FRMD5: variants seen among roughly 807,000 people sequenced by gnomAD.
FRMD5 encodes FERM domain containing 5.
FRMD5 carries 20 observed loss-of-function variants against 69.0 expected under a neutral mutation model. The observed-to-expected ratio is 0.29, with a 90% CI of 0.20 to 0.42. The LOEUF (loss-of-function observed/expected upper bound fraction) is 0.42, where lower values mean the gene tolerates loss of function less well. Ranked by LOEUF, FRMD5 falls within the 10% of genes least tolerant of loss-of-function variation. The pLI is 1.00. For synonymous variants in FRMD5, 271 were observed against 260.1 expected, an observed-to-expected ratio of 1.04 and a Z score of -0.40; for missense variants, 595 against 708.6, an observed-to-expected ratio of 0.84 and a Z score of 1.82.
intron 1 of FRMD5, among the ~76,000 whole-genome samples, chr15:43,977,429 G>A (rs2090481159): frequency 6.6e-6 from 1 of 152,114 alleles, no homozygotes; most frequent in Admixed American, 6.5e-5. Flanking sequence ...ACTACTTCCT[G>A]CTCACTGGGG....
chr15:44,147,656 G>A (rs2077377585), intron 1 of FRMD5, among the ~76,000 whole-genome samples: 1 of 152,102 alleles, frequency 6.6e-6, no homozygotes, highest in South Asian at 2.1e-4. Context: ...TGGTAAGATG[G>A]CAGAGTAAGA....
rs1483080377 is a variant in FRMD5 at position 44,125,581 on chromosome 15, A to G, written c.102+69372T>C. On this transcript the variant is annotated intron_variant, in intron 1 of 13. Transcript: ENST00000417257. ...GCTAAAGCCTCAGCTACAATTTCTG[A>G]GATCATGAAATTCTTAGACATGAGA... 1.3e-5 allele frequency among the ~76,000 whole-genome samples: 2 copies of G among 152,212 alleles called. 1 individual carries two copies. Among genetic ancestry groups the G allele is most frequent in the South Asian group, 4.1e-4 (2 of 4,832 alleles).
At chr15:43,959,529 T>C (rs1185782810) in intron 1 of FRMD5, among the ~76,000 whole-genome samples, 1 of 152,182 alleles carries the variant, frequency 6.6e-6, no homozygotes, top group East Asian at 1.9e-4. Flanking sequence ...ACTATAGAAG[T>C]CAGGTGAGCA....
chr15:43,906,718 C>A (rs1186517784), intron 5 of FRMD5, among the ~76,000 whole-genome samples: 2 of 149,170 alleles, frequency 1.3e-5, no homozygotes, highest in East Asian at 3.9e-4. Flanking sequence ...TCTCCTGCCT[C>A]AGCCTCCCGC....
rs114422765 is a variant in FRMD5 at position 43,997,529 on chromosome 15, T to C, written c.103-73220A>G. The stretch of plus-strand genomic sequence containing the variant: ...TGACACAGGATACCAGAATTGCTGA[T>C]AGAACCTAGTCTGTCTCCATAGGAG... On this transcript the variant is annotated intron_variant, in intron 1 of 13. Transcript: ENST00000417257. Among the ~76,000 whole-genome samples the C allele has an allele frequency of 2.4e-3, 371 of 152,340 alleles. 1 individual carries two copies. The highest frequency in any genetic ancestry group is 8.4e-3 in the African/African-American group (350 of 41,580).
At chr15:44,050,908 T>C (rs2140346113) in intron 1 of FRMD5, among the ~76,000 whole-genome samples, 1 of 152,100 alleles carries the variant, frequency 6.6e-6, no homozygotes, top group East Asian at 1.9e-4. Context: ...TCTGCCTGCC[T>C]CAGCCTCCCA....
At chr15:44,010,506 T>C (rs184053297) in intron 1 of FRMD5, among the ~76,000 whole-genome samples, 2 of 152,238 alleles carry the variant, frequency 1.3e-5, no homozygotes, top group African/African-American at 4.8e-5. Context: ...CAAGCCATTT[T>C]CCTGCTTCGG....
intron 1 of FRMD5, among the ~76,000 whole-genome samples, chr15:44,143,274 T>C (rs781381703): frequency 2.8e-4 from 43 of 152,196 alleles, no homozygotes; most frequent in South Asian, 6.2e-4. Flanking sequence ...GCTACCTTCA[T>C]GTAGCCTGCT....
intron 1 of FRMD5, among the ~76,000 whole-genome samples, chr15:44,069,323 A>G (rs1416808599): frequency 6.6e-6 from 1 of 152,212 alleles, no homozygotes; most frequent in Non-Finnish European, 1.5e-5. Context: ...TTACATTCCT[A>G]GGCATTTATC....
chr15:44,057,669 C>G (rs182569246), intron 1 of FRMD5, among the ~76,000 whole-genome samples: 21 of 152,260 alleles, frequency 1.4e-4, no homozygotes, highest in African/African-American at 3.6e-4. Context: ...ACAACAGCAA[C>G]AAAATCCAAA....
chr15:44,044,764 G>T (rs1444551820), intron 1 of FRMD5, among the ~76,000 whole-genome samples: 1 of 152,070 alleles, frequency 6.6e-6, no homozygotes, highest in African/African-American at 2.4e-5. Flanking sequence ...GGCCTGTCAG[G>T]GGGTGGGGGG....
intron 1 of FRMD5, among the ~76,000 whole-genome samples, chr15:43,948,795 C>T (rs1335928704): frequency 1.3e-5 from 2 of 152,184 alleles, no homozygotes; most frequent in Non-Finnish European, 2.9e-5. Flanking sequence ...AAGAAAACTC[C>T]TCATCCATTT....
chr15:44,084,928 A>T (rs1223478083), intron 1 of FRMD5, among the ~76,000 whole-genome samples: 1 of 152,068 alleles, frequency 6.6e-6, no homozygotes, highest in Non-Finnish European at 1.5e-5. Flanking sequence ...TTTGATATAC[A>T]ATCTGGGGAA....
chr15:43,924,512 A>G (rs1401224883), intron 1 of FRMD5, among the ~76,000 whole-genome samples: 2 of 152,180 alleles, frequency 1.3e-5, no homozygotes, highest in African/African-American at 2.4e-5. Flanking sequence ...GGAGCCCAAG[A>G]ACCCTTCCCA....
At position 44,121,816 on chromosome 15, in the gene FRMD5, G is replaced by A. The variant is rs374092175; in HGVS notation, c.102+73137C>T. 9.2e-4 allele frequency among the ~76,000 whole-genome samples: 139 copies of A among 151,406 alleles called. 1 individual carries two copies. The highest frequency in any genetic ancestry group is 3.1e-3 in the African/African-American group (127 of 41,292). On this transcript the variant is annotated intron_variant, in intron 1 of 13. Transcript: ENST00000417257. ...TCGAGACCAGCCTGGCCAATATGGC[G>A]AAACCCTGTCTCTAACTAAAATACA...
intron 1 of FRMD5, among the ~76,000 whole-genome samples, chr15:44,091,790 T>C (rs1442580846): frequency 6.7e-6 from 1 of 150,202 alleles, no homozygotes; most frequent in African/African-American, 2.4e-5. Flanking sequence ...TCCATGGGAA[T>C]TTTTTTTTTA....
At chr15:43,942,384 T>C (rs2089877315) in intron 1 of FRMD5, among the ~76,000 whole-genome samples, 1 of 152,216 alleles carries the variant, frequency 6.6e-6, no homozygotes, top group East Asian at 1.9e-4. Flanking sequence ...CATTTCCAAA[T>C]GCAGCAACAC....
chr15:44,195,412 T>C (rs1007508155), upstream of FRMD5, among the ~76,000 whole-genome samples: 3 of 152,054 alleles, frequency 2.0e-5, no homozygotes, highest in Admixed American at 1.3e-4. Context: ...ATGGGCGGGA[T>C]AAAGAAGCAA....
intron 1 of FRMD5, among the ~76,000 whole-genome samples, chr15:43,947,078 C>G (rs2089959331): frequency 6.6e-6 from 1 of 152,216 alleles, no homozygotes; most frequent in Non-Finnish European, 1.5e-5. Context: ...ACAGAAATGT[C>G]TACTTTTAAA....
Sources: gnomAD v4.1 joint callset for allele counts (sites outside exome capture counted in the v4.1 genomes callset) on GRCh38, gnomAD v4.1.1 for gene constraint, MANE v1.5 for transcripts, NCBI Gene and HGNC (gene_info 2026-07-23, HGNC 2026-07-21) for gene names.